The following HECTD4 variants were observed in gnomAD, a reference collection of about 807,000 sequenced individuals.
HECTD4 encodes HECT domain E3 ubiquitin protein ligase 4.
Under a neutral mutation model 471.5 loss-of-function variants are expected in HECTD4, and 114 were observed. The ratio of observed to expected loss-of-function variants is 0.24; its 90% CI spans 0.21 to 0.28. HECTD4 has a LOEUF of 0.28. HECTD4 is among the 10% of genes least tolerant of loss of function. HECTD4 has a pLI of 1.00. For missense variants in HECTD4, 3,866 were observed against 5,651.5 expected, an observed-to-expected ratio of 0.68 and a Z score of 10.13; for synonymous variants, 2,012 against 2,256.0, an observed-to-expected ratio of 0.89 and a Z score of 3.07.
chr12:112,352,335 CTT>C (rs1183472420), intron 1 of HECTD4, among the ~76,000 whole-genome samples: 34 of 136,578 alleles, frequency 2.5e-4, no homozygotes, highest in South Asian at 4.7e-4. Context: ...GATGGAGCAT[CTT>C]TTTTTTTTTT....
chr12:112,318,495 C>T (rs1377069682), intron 2 of HECTD4, among the ~76,000 whole-genome samples: 1 of 152,016 alleles, frequency 6.6e-6, no homozygotes, highest in East Asian at 1.9e-4. Flanking sequence ...CTGCCTAAGC[C>T]TCCAGGTAGC....
In HECTD4 at chr12:112,175,820, T is replaced by A; in HGVS notation, c.11510A>T (p.Lys3837Ile). Residue 3837 changes from lysine to isoleucine, a missense_variant, in exon 66 of 76, where the codon AAA becomes ATA. Coordinates refer to ENST00000682272, the MANE Select transcript of HECTD4 (RefSeq NM_001388303.1). ...EKYLTLEGFH[K>I]FVIDRARQDI... ...TTGCCTGGCTCGGTCAATAACAAAT[T>A]TGTGAAATCCTTCCAGCGTCAGGTA... 6.2e-7 allele frequency: 1 copy of A among 1,613,608 alleles called. No individual in the cohort carries two copies.
At chr12:112,293,899 TTC>T (rs1475001750) in intron 7 of HECTD4, among the ~76,000 whole-genome samples, 2 of 152,146 alleles carry the variant, frequency 1.3e-5, no homozygotes, top group Non-Finnish European at 2.9e-5. Context: ...TTAGTTTTCT[TTC>T]TTTTTTTGTG....
At chr12:112,237,120 A>G in intron 34 of HECTD4, 22 bp from the exon 35 acceptor site, 1 of 1,532,384 alleles carries the variant, frequency 6.5e-7, no homozygotes, top group South Asian at 1.2e-5. Flanking sequence ...AAGAAAGAAA[A>G]AAAGAGATTG....
At chr12:112,196,484 G>A (rs902269985) in intron 55 of HECTD4, among the ~76,000 whole-genome samples, 2 of 152,148 alleles carry the variant, frequency 1.3e-5, no homozygotes, top group Admixed American at 6.5e-5. Context: ...TGAGGACCAC[G>A]GCAACAAAAT....
At chr12:112,281,221 C>T (rs1170175167) in intron 8 of HECTD4, among the ~76,000 whole-genome samples, 1 of 151,832 alleles carries the variant, frequency 6.6e-6, no homozygotes, top group Non-Finnish European at 1.5e-5. Context: ...ATTGCTTAAG[C>T]CCAGGAGTTT....
At chr12:112,165,067 C>T (rs1250373113) in intron 72 of HECTD4, among the ~76,000 whole-genome samples, 1 of 151,488 alleles carries the variant, frequency 6.6e-6, no homozygotes, top group African/African-American at 2.4e-5. Context: ...ATTACAGGCA[C>T]CCGCCACCAT....
intron 5 of HECTD4, 82 bp from the exon 6 acceptor site, chr12:112,308,973 T>C: frequency 1.5e-6 from 2 of 1,374,398 alleles, no homozygotes; most frequent in South Asian, 1.5e-5. Flanking sequence ...ACAAACAACA[T>C]TTTCGACCTA....
intron 7 of HECTD4, among the ~76,000 whole-genome samples, chr12:112,295,804 A>T (rs1437207867): frequency 2.3e-4 from 31 of 132,338 alleles, no homozygotes; most frequent in Admixed American, 1.4e-3. Flanking sequence ...ATTAAATTAA[A>T]AAAAAAATAT....
chr12:112,200,888 T>TGC (rs1566070154), intron 54 of HECTD4, 90 bp from the exon 55 acceptor site: 41 of 366,956 alleles, frequency 1.1e-4, no homozygotes, highest in East Asian at 7.1e-4. Context: ...TGCGTGCGTG[T>TGC]GTGTGTGTGT....
rs755214110 is a variant in HECTD4 at position 112,179,360 on chromosome 12, C to T, written c.11025G>A (p.Thr3675=). 9.5e-5 allele frequency: 153 copies of T among 1,612,864 alleles called. No homozygotes were observed. In the East Asian group the frequency reaches 2.8e-3, roughly 29 times the overall value. The change falls in exon 63 of 76, where the codon ACG becomes ACA. Residue 3675 remains threonine (T), a synonymous_variant. Coordinates refer to ENST00000682272, the MANE Select transcript of HECTD4 (RefSeq NM_001388303.1). This position sits in a 1 kb window ranked among gnomAD's most constrained non-coding sequence, Gnocchi z 4.3. Reference sequence around the variant, plus strand: ...AATGGGCACAACTCTTAAATATCTCCGTCAGAACCTCTCTGGCTCCGGGCA... The same window carrying T: ...AATGGGCACAACTCTTAAATATCTCTGTCAGAACCTCTCTGGCTCCGGGCA... ...KLVPGAREVL[T]EIFKSCAHSE...
rs1454328519 is a variant in HECTD4, at chr12:112,185,118, G to A, written c.9848C>T (p.Ala3283Val). 1.9e-5 allele frequency: 30 copies of A among 1,559,644 alleles called. No homozygotes were observed. The highest frequency in any genetic ancestry group is 2.4e-5 in the East Asian group (1 of 41,852). The stretch of plus-strand genomic sequence containing the variant: ...CGAGTCACTGAGATTTGGGGCGGTC[G>A]CTGAGGTCACCCCACTGGCTGTGAC... ...MSVTASGVTS[A>V]TAPNLSDSSS... Residue 3283 changes from alanine to valine, a missense_variant, in exon 61 of 76, where the codon GCG becomes GTG. This residue lies in a region of HECTD4 where 38 missense variants were observed against 72.1 expected (regional missense o/e 0.53). Coordinates refer to ENST00000682272, the MANE Select transcript of HECTD4 (RefSeq NM_001388303.1).
intron 66 of HECTD4, 28 bp downstream of exon 66, chr12:112,175,708 C>A: frequency 6.2e-7 from 1 of 1,606,454 alleles, no homozygotes; most frequent in African/African-American, 1.3e-5. Flanking sequence ...TGCAAGGTGC[C>A]AACTGAGTCG....
chr12:112,312,173 T>C (rs1038491758), intron 4 of HECTD4, among the ~76,000 whole-genome samples: 2 of 152,248 alleles, frequency 1.3e-5, no homozygotes, highest in African/African-American at 4.8e-5. Flanking sequence ...AGAGACTCAC[T>C]TCGTGGAGTT....
chr12:112,332,062 G>A (rs1484890449), intron 1 of HECTD4, among the ~76,000 whole-genome samples: 1 of 152,078 alleles, frequency 6.6e-6, no homozygotes, highest in African/African-American at 2.4e-5. Context: ...CGGGTGGGAA[G>A]GGGGAGCTGT....
At chr12:112,253,469 G>A (rs563760946) in intron 22 of HECTD4, among the ~76,000 whole-genome samples, 114 of 152,278 alleles carry the variant, frequency 7.5e-4, no homozygotes, top group Non-Finnish European at 1.4e-3. Flanking sequence ...GAATTAAAGA[G>A]AGTCCATAAC....
In HECTD4 at chr12:112,235,456, C is replaced by A. The variant is rs907017718; in HGVS notation, c.5725+48G>T. ...GATGCAAGGGGGACCTGACTGGGCA[C>A]AGGAATGCTGCACTGCCATGCTACT... On this transcript the variant is annotated intron_variant, in intron 36 of 75. Transcript: ENST00000682272. The surrounding 1 kb of genome is among the most constrained non-coding windows in gnomAD (Gnocchi z 5.0). 7 of 1,556,744 alleles carry A rather than the reference C, an allele frequency of 4.5e-6. No homozygotes were observed. The highest frequency in any genetic ancestry group is 6.1e-6 in the Non-Finnish European group (7 of 1,152,548).
chr12:112,307,453 G>A (rs1187682646), intron 6 of HECTD4, among the ~76,000 whole-genome samples: 1 of 152,146 alleles, frequency 6.6e-6, no homozygotes, highest in East Asian at 1.9e-4. Context: ...CAACACTGAG[G>A]AACCTGGCAC....
At chr12:112,185,564 C>G (rs2031831804) in intron 60 of HECTD4, 71 bp from the exon 61 acceptor site, 2 of 1,187,686 alleles carry the variant, frequency 1.7e-6, no homozygotes, top group South Asian at 3.1e-5. Context: ...AGTTCTGAGC[C>G]TGGAATCAAC....
Sources: allele counts gnomAD v4.1 joint callset (sites outside exome capture counted in the v4.1 genomes callset), GRCh38; gene constraint gnomAD v4.1.1; regional missense constraint gnomAD v4.1.1; non-coding constraint Gnocchi (gnomAD v3.1); transcripts MANE v1.5; gene names NCBI Gene and HGNC (gene_info 2026-07-23, HGNC 2026-07-21).